Variants in C20orf173 observed in about 807,000 individuals in gnomAD.
C20orf173 encodes uncharacterized protein C20orf173.
C20orf173 carries 22 observed loss-of-function variants against 26.7 expected under a neutral mutation model. That is an observed-to-expected ratio of 0.82 (90% CI 0.59 to 1.18). C20orf173 has a LOEUF of 1.18. Ranked by LOEUF, C20orf173 falls within the 50% of genes most tolerant of loss-of-function variation. The pLI is 0.00. For missense variants in C20orf173, 210 were observed against 250.3 expected, an observed-to-expected ratio of 0.84 and a Z score of 1.09; for synonymous variants, 85 against 96.4, an observed-to-expected ratio of 0.88 and a Z score of 0.69.
At chr20:35,524,141 C>T (rs2064490139), downstream of C20orf173, among the ~76,000 whole-genome samples, 1 of 152,060 alleles carries the variant, frequency 6.6e-6, no homozygotes, top group Non-Finnish European at 1.5e-5. Context: ...CTTCAGTCTC[C>T]CAAGTAGCTG....
chr20:35,528,607 T>G, intron 3 of C20orf173, 63 bp from the exon 4 acceptor site: 1 of 1,548,250 alleles, frequency 6.5e-7, no homozygotes, highest in Non-Finnish European at 8.7e-7. Context: ...GCCCTGGACT[T>G]GGGGCCTGCT....
chr20:35,528,961 G>A (rs1568862315), intron 2 of C20orf173, 82 bp from the exon 3 acceptor site: 1 of 1,539,674 alleles, frequency 6.5e-7, no homozygotes, highest in Non-Finnish European at 8.8e-7. Flanking sequence ...CCATCCAGAG[G>A]CTGTGAAGAC....
At chr20:35,528,582 C>G (rs2147289127) in intron 3 of C20orf173, 38 bp from the exon 4 acceptor site, 1 of 1,550,548 alleles carries the variant, frequency 6.4e-7, no homozygotes, top group South Asian at 1.2e-5. Context: ...TTTGGTTCCC[C>G]ACGTCCATCT....
intron 3 of C20orf173, 21 bp downstream of exon 3, chr20:35,528,680 C>T (rs796386379): frequency 2.9e-5 from 45 of 1,528,494 alleles, no homozygotes; most frequent in African/African-American, 1.5e-4. Context: ...TTCCTGCTCC[C>T]GCCCTCTCCC....
rs2064530448 is a variant in C20orf173, at chr20:35,529,089, G to A, written c.285C>T (p.Thr95=). The stretch of plus-strand genomic sequence containing the variant: ...CCAACCACCAGAGCACAGTGTCAGA[G>A]GTCATAGACTCTCTTGTCCTCATCA... ...GYLMRTRESM[T]SDTVLWWLGM... is the part of the protein sequence containing the mutation. Residue 95 remains threonine (T), a synonymous_variant, in exon 2 of 6, where the codon ACC becomes ACT. Transcript: ENST00000444723. 1.9e-6 allele frequency: 3 copies of A among 1,551,454 alleles called. No individual in the cohort carries two copies. The highest frequency in any genetic ancestry group is 2.0e-5 in the Admixed American group (1 of 50,980).
At chr20:35,528,420 C>A in intron 4 of C20orf173, 31 bp downstream of exon 4, 1 of 1,545,902 alleles carries the variant, frequency 6.5e-7, no homozygotes, top group Non-Finnish European at 8.8e-7. Flanking sequence ...CTCACCCCCA[C>A]ACAGAGAATG....
At chr20:35,528,366 G>T (rs2064519945) in intron 4 of C20orf173, 82 bp from the exon 5 acceptor site, 7 of 1,547,268 alleles carry the variant, frequency 4.5e-6, no homozygotes, top group Admixed American at 2.0e-5. Context: ...GCCAATAGAA[G>T]GTCTTCCCAG....
At chr20:35,527,670 G>A (rs1480908225) in intron 5 of C20orf173, among the ~76,000 whole-genome samples, 2 of 151,890 alleles carry the variant, frequency 1.3e-5, no homozygotes, top group Non-Finnish European at 2.9e-5. Flanking sequence ...CCAGGCTGGA[G>A]TGCAGTGGCG....
downstream of C20orf173, chr20:35,522,250 T>A (rs569567164): frequency 1.3e-5 from 2 of 152,542 alleles, no homozygotes; most frequent in Admixed American, 1.3e-4. Context: ...TAAAAAGAAA[T>A]TGAGGTTTGG....
chr20:35,528,204 A>C, intron 5 of C20orf173, 29 bp downstream of exon 5: 1 of 1,546,434 alleles, frequency 6.5e-7, no homozygotes, highest in African/African-American at 1.4e-5. Context: ...CCACAGCCAC[A>C]TCCTACCCCT....
rs769817846 is a variant in C20orf173, at chr20:35,528,681, G to C, written c.488+20C>G. On this transcript the variant is annotated intron_variant, in intron 3 of 5. Coordinates refer to ENST00000444723, the MANE Select transcript of C20orf173 (RefSeq NM_001145350.2). The stretch of plus-strand genomic sequence containing the variant: ...GGGCAGGCCTGGCCTTCCTGCTCCC[G>C]CCCTCTCCCCAGCACCCACCTGAAA... 2 of 1,528,060 alleles carry C rather than the reference G, an allele frequency of 1.3e-6. No individual in the cohort carries two copies. Among genetic ancestry groups the C allele is most frequent in the Admixed American group, 4.1e-5 (2 of 49,178 alleles). 94.7% of individuals were successfully genotyped at this position (1,528,060 alleles called of 1,614,324 possible). A position where few individuals can be genotyped will look rare whatever the true frequency, so the allele number is the denominator to read the frequency against.
chr20:35,529,411 A>T lies in C20orf173; in HGVS notation c.-38T>A, dbSNP rs2064534807. The T allele has an allele frequency of 2.0e-6, 3 of 1,493,162 alleles. No homozygotes were observed. The highest frequency in any genetic ancestry group is 2.7e-6 in the Non-Finnish European group (3 of 1,121,124). 92.5% of individuals were successfully genotyped at this position (1,493,162 alleles called of 1,614,324 possible). A position where few individuals can be genotyped will look rare whatever the true frequency, so the allele number is the denominator to read the frequency against. ...CGGTGGCTCCCGTGGTGGGCCGTAG[A>T]CTGGCTTCTCTACCTGTAAGGATGA... On this transcript the variant is annotated 5_prime_UTR_variant, in exon 2 of 6. Transcript: ENST00000444723.
chr20:35,521,999 A>G (rs1453540002), downstream of C20orf173: 1 of 152,686 alleles, frequency 6.5e-6, no homozygotes, highest in African/African-American at 2.4e-5. Context: ...GGCATACAAC[A>G]GAGCCACAAA....
At chr20:35,528,638 GA>G (rs767109269) in intron 3 of C20orf173, 62 bp downstream of exon 3, 3 of 1,543,090 alleles carry the variant, frequency 1.9e-6, no homozygotes, top group Non-Finnish European at 1.8e-6. Flanking sequence ...AAGGGGAGCA[GA>G]AACTGATGGA....
At chr20:35,524,527 G>A (rs773450345), downstream of C20orf173, among the ~76,000 whole-genome samples, 1 of 151,978 alleles carries the variant, frequency 6.6e-6, no homozygotes, top group Non-Finnish European at 1.5e-5. Flanking sequence ...TTCCTCACTT[G>A]CATTTGCCGC....
chr20:35,524,186 T>TA (rs1212669249), downstream of C20orf173, among the ~76,000 whole-genome samples: 2 of 150,692 alleles, frequency 1.3e-5, no homozygotes, highest in Non-Finnish European at 3.0e-5. Context: ...CCCGGCTAAT[T>TA]TTTTTTTTAC....
intron 5 of C20orf173, among the ~76,000 whole-genome samples, chr20:35,527,485 A>G (rs766176528): frequency 2.0e-5 from 3 of 152,198 alleles, no homozygotes; most frequent in Admixed American, 6.5e-5. Flanking sequence ...AACCCCCAGG[A>G]CGTAAGAGAA....
chr20:35,524,839 C>T (rs1016691997), downstream of C20orf173, among the ~76,000 whole-genome samples: 3 of 151,894 alleles, frequency 2.0e-5, no homozygotes, highest in African/African-American at 7.3e-5. Context: ...GCTGGGATTA[C>T]AGGCGTGCAC....
At position 35,529,225 on chromosome 20, in the gene C20orf173, C is replaced by G. The variant is rs2064532600; in HGVS notation, c.149G>C (p.Ser50Thr). The G allele has an allele frequency of 6.4e-7, 1 of 1,551,590 alleles. No individual in the cohort carries two copies. Among genetic ancestry groups the G allele is most frequent in the Admixed American group, 2.0e-5 (1 of 50,976 alleles). ...AGAAGGGCAGCCACACTTCCCGGAA[C>G]TGAACCAAGGGCAGTCGCAATGCTG... Reference protein sequence around the residue: ...VPQHCDCPWFSSGKCGCPSET... With the variant: ...VPQHCDCPWFTSGKCGCPSET... The change falls in exon 2 of 6, where the codon AGT becomes ACT. Residue 50 changes from serine to threonine, a missense_variant. Physicochemically the swap from Ser to Thr is moderately conservative, Grantham distance 58. Transcript: ENST00000444723.
Sources: gnomAD v4.1 joint callset for allele counts (sites outside exome capture counted in the v4.1 genomes callset) on GRCh38, gnomAD v4.1.1 for gene constraint, MANE v1.5 for transcripts, NCBI Gene and HGNC (gene_info 2026-07-23, HGNC 2026-07-21) for gene names.